Variants in ENAH observed in about 807,000 individuals in gnomAD.
The protein encoded by ENAH is ENAH actin regulator.
ENAH carries 23 observed loss-of-function variants against 78.7 expected under a neutral mutation model. That is an observed-to-expected ratio of 0.29 (90% CI 0.21 to 0.41). The LOEUF is 0.41. Ranked by LOEUF, ENAH falls within the 10% of genes least tolerant of loss-of-function variation. The probability of loss-of-function intolerance (pLI) is 1.00; values close to 1 mark genes in which losing one functional copy is unlikely to be tolerated. For missense variants in ENAH, 544 were observed against 691.0 expected, an observed-to-expected ratio of 0.79 and a Z score of 2.39; for synonymous variants, 226 against 241.0, an observed-to-expected ratio of 0.94 and a Z score of 0.58.
chr1:225,518,573 A>AAGGAAT (rs1269537630), intron 5 of ENAH, among the ~76,000 whole-genome samples: 1 of 152,220 alleles, frequency 6.6e-6, no homozygotes, highest in East Asian at 1.9e-4. Context: ...AAGACTTTTT[A>AAGGAAT]ATTAGGCCAT....
chr1:225,498,196 T>A, intron 13 of ENAH, 151 bp downstream of exon 13: 1 of 630,822 alleles, frequency 1.6e-6, no homozygotes, highest in South Asian at 2.0e-5. Context: ...AGGAGAAACC[T>A]CCTCCCCAAA....
At position 225,498,403 on chromosome 1, in the gene ENAH, T is replaced by C; in HGVS notation, c.1619A>G (p.Asp540Gly). Residue 540 changes from aspartate (D) to glycine (G), a missense_variant and splice_region_variant, in exon 13 of 14, where the codon GAC becomes GGC. Asp to Gly is a moderately conservative substitution (Grantham distance 94). Coordinates refer to ENST00000366843, the MANE Select transcript of ENAH (RefSeq NM_018212.6). ...TTCTTTTCTCATTTCATCTAAAATGTCCTAAAATATTAGAGAAAAATACCA... is the reference window on the plus strand; with the variant it reads ...TTCTTTTCTCATTTCATCTAAAATGCCCTAAAATATTAGAGAAAAATACCA... Reference protein sequence around the residue: ...EGLDYDRLKQDILDEMRKELT... With the variant: ...EGLDYDRLKQGILDEMRKELT... 2.6e-6 allele frequency: 4 copies of C among 1,557,692 alleles called. No homozygotes were observed. Among genetic ancestry groups the C allele is most frequent in the Non-Finnish European group, 3.5e-6 (4 of 1,134,882 alleles).
At chr1:225,641,728 A>C (rs547995497) in intron 1 of ENAH, among the ~76,000 whole-genome samples, 2 of 151,442 alleles carry the variant, frequency 1.3e-5, no homozygotes, top group Non-Finnish European at 2.9e-5. Flanking sequence ...CTCTACTAAA[A>C]ACACAAAAAA....
In ENAH at chr1:225,487,610, A is replaced by G. The variant is rs1368479419; in HGVS notation, c.*10165T>C. The stretch of plus-strand genomic sequence containing the variant: ...AGTTACAATTAAAATACAGCCTTGT[A>G]TATGTTTAAGTCAACCTTAACTTTT... On this transcript the variant is annotated 3_prime_UTR_variant, in exon 14 of 14. Coordinates refer to ENST00000366843, the MANE Select transcript of ENAH (RefSeq NM_018212.6). 6.6e-6 allele frequency: 1 copy of G among 152,256 alleles called. No homozygotes were observed. The highest frequency in any genetic ancestry group is 6.5e-5 in the Admixed American group (1 of 15,288). 9.4% of individuals were successfully genotyped at this position (152,256 alleles called of 1,614,324 possible).
chr1:225,627,395 T>C (rs757695399), intron 1 of ENAH, among the ~76,000 whole-genome samples: 12 of 151,890 alleles, frequency 7.9e-5, no homozygotes, highest in South Asian at 2.1e-4. Context: ...GGGAGTAACA[T>C]TGTGGAGGAG....
chr1:225,645,119 A>G (rs1432859201), intron 1 of ENAH, among the ~76,000 whole-genome samples: 1 of 152,210 alleles, frequency 6.6e-6, no homozygotes, highest in Non-Finnish European at 1.5e-5. Context: ...AGAAATGTCC[A>G]GTGGTTCTAT....
chr1:225,567,023 A>G (rs1178909270), intron 2 of ENAH, among the ~76,000 whole-genome samples: 1 of 152,250 alleles, frequency 6.6e-6, no homozygotes, highest in African/African-American at 2.4e-5. Flanking sequence ...ATGAAAATTC[A>G]TCATAAAAGA....
rs139773212 is a variant in ENAH, at chr1:225,512,916, C to T, written c.1319G>A (p.Gly440Glu). ...CATTTCTTCCATTAAACCACTACCC[C>T]CTAAAGGAAGGGGTCCATTTCCACG... ...TGRGNGPLPLGGSGLMEEMSA... is the reference protein window; with the variant it reads ...TGRGNGPLPLEGSGLMEEMSA... Residue 440 changes from glycine (G) to glutamate (E), a missense_variant, in exon 8 of 14, where the codon GGG becomes GAG. This residue lies in a region of ENAH where 366 missense variants were observed against 396.1 expected (regional missense o/e 0.92). Coordinates refer to ENST00000366843, the MANE Select transcript of ENAH (RefSeq NM_018212.6). 3 of 1,614,024 alleles carry T rather than the reference C, an allele frequency of 1.9e-6. No individual in the cohort carries two copies. The highest frequency in any genetic ancestry group is 2.2e-5 in the East Asian group (1 of 44,868).
chr1:225,647,704 C>A (rs1575866002), intron 1 of ENAH, among the ~76,000 whole-genome samples: 1 of 152,132 alleles, frequency 6.6e-6, no homozygotes. Context: ...CCTACAATAT[C>A]CAGTAGAGCT....
chr1:225,650,848 TAAAAAAAAAAA>T lies in ENAH; in HGVS notation c.5+1827_5+1837del, dbSNP rs746549168. On this transcript the variant is annotated intron_variant, in intron 1 of 13. Transcript: ENST00000366843. ...CTGGGCAAGAGAGCAAGACTGCATT[TAAAAAAAAAAA>T]AAAAAAAAAAAAAAAAAAACTTTCC... Among the ~76,000 whole-genome samples, 78 of 58,940 alleles carry T rather than the reference TAAAAAAAAAAA, an allele frequency of 1.3e-3. 2 individuals carry two copies. The South Asian group carries it at 0.019, about 15-fold the overall frequency. The allele number at this position is 58,940 out of a possible 152,430, so 38.7% of individuals were successfully genotyped here.
intron 1 of ENAH, among the ~76,000 whole-genome samples, chr1:225,589,008 T>C (rs1023943002): frequency 2.0e-5 from 3 of 152,010 alleles, no homozygotes; most frequent in African/African-American, 7.3e-5. Flanking sequence ...ACAACTGATA[T>C]ACATGACATG....
intron 4 of ENAH, among the ~76,000 whole-genome samples, chr1:225,527,841 C>T (rs1417790711): frequency 6.6e-6 from 1 of 152,166 alleles, no homozygotes; most frequent in African/African-American, 2.4e-5. Flanking sequence ...TCAAAGAGCA[C>T]CTCCTCCGTG....
chr1:225,529,575 A>G (rs1210014492), intron 4 of ENAH, among the ~76,000 whole-genome samples: 1 of 152,056 alleles, frequency 6.6e-6, no homozygotes, highest in African/African-American at 2.4e-5. Context: ...TGTCATGTTT[A>G]TTGTCTGATG....
At chr1:225,549,624 A>G (rs1430180295) in intron 3 of ENAH, among the ~76,000 whole-genome samples, 1 of 152,122 alleles carries the variant, frequency 6.6e-6, no homozygotes, top group Non-Finnish European at 1.5e-5. Flanking sequence ...AATACCACCA[A>G]CCTTGTAGGG....
chr1:225,620,528 C>A (rs1387401223), intron 1 of ENAH, among the ~76,000 whole-genome samples: 1 of 151,116 alleles, frequency 6.6e-6, no homozygotes, highest in Non-Finnish European at 1.5e-5. Context: ...AAAACTGTCT[C>A]AAAAATGTCC....
At chr1:225,597,007 A>C (rs955008376) in intron 1 of ENAH, among the ~76,000 whole-genome samples, 1 of 152,194 alleles carries the variant, frequency 6.6e-6, no homozygotes. Context: ...CTAGGATAGA[A>C]GACTTCTAAA....
intron 1 of ENAH, among the ~76,000 whole-genome samples, chr1:225,631,975 C>G (rs1428244089): frequency 1.3e-5 from 2 of 151,874 alleles, no homozygotes; most frequent in Non-Finnish European, 2.9e-5. Flanking sequence ...TTTGTTTGTA[C>G]TATTTTTATG....
intron 11 of ENAH, chr1:225,505,009 G>T (rs1303797402): frequency 1.2e-6 from 2 of 1,612,478 alleles, no homozygotes; most frequent in Non-Finnish European, 1.7e-6. Context: ...TGAATCATAG[G>T]ACCTGTTGTC....
chr1:225,581,341 A>G (rs1157045976), intron 1 of ENAH: 4 of 965,986 alleles, frequency 4.1e-6, no homozygotes, highest in Non-Finnish European at 4.9e-6. Flanking sequence ...CCGTAGAGTT[A>G]AAAATATCAA....
Sources: gnomAD v4.1 joint callset for allele counts (sites outside exome capture counted in the v4.1 genomes callset) on GRCh38, gnomAD v4.1.1 for gene constraint, gnomAD v4.1.1 regional missense constraint, MANE v1.5 for transcripts, NCBI Gene and HGNC (gene_info 2026-07-23, HGNC 2026-07-21) for gene names.